The following LRRN1 variants were observed in gnomAD, a reference collection of about 807,000 sequenced individuals.
LRRN1 encodes the protein leucine rich repeat neuronal 1, also known as leucine-rich repeat neuronal protein 1.
A neutral mutation model predicts 45.8 loss-of-function variants in LRRN1; 14 were observed. The observed-to-expected ratio is 0.31, with a 90% CI of 0.20 to 0.48. The LOEUF (loss-of-function observed/expected upper bound fraction) is 0.48, where lower values mean the gene tolerates loss of function less well. LRRN1 is among the 20% of genes least tolerant of loss of function. LRRN1 has a pLI of 0.99. For synonymous variants in LRRN1, 359 were observed against 330.1 expected (o/e 1.09, Z -0.95); for missense variants, 789 against 874.2 (o/e 0.90, Z 1.23).
At chr3:3,836,033 T>A (rs1241119312) in intron 1 of LRRN1, among the ~76,000 whole-genome samples, 1 of 152,184 alleles carries the variant, frequency 6.6e-6, no homozygotes, top group Non-Finnish European at 1.5e-5. Context: ...AGCAGGACAT[T>A]TTCTTCTTAC....
In LRRN1 at chr3:3,846,994, A is replaced by C. The variant is rs1575307048; in HGVS notation, c.*202A>C. The C allele has an allele frequency of 4.4e-6, 2 of 458,506 alleles. No homozygotes were observed. Among genetic ancestry groups the C allele is most frequent in the Non-Finnish European group, 3.9e-6 (1 of 253,244 alleles). 28.4% of individuals were successfully genotyped at this position (458,506 alleles called of 1,614,324 possible). A position where few individuals can be genotyped will look rare whatever the true frequency, so the allele number is the denominator to read the frequency against. ...CGGCTGCCAGCGACTCTAGGCTTCCAGTCTGTGTTTGGTTTTTATTCTTAT... is the reference window on the plus strand; with the variant it reads ...CGGCTGCCAGCGACTCTAGGCTTCCCGTCTGTGTTTGGTTTTTATTCTTAT... On this transcript the variant is annotated 3_prime_UTR_variant, in exon 2 of 2. Transcript: ENST00000319331. The surrounding 1 kb of genome is among the most constrained non-coding windows in gnomAD (Gnocchi z 5.7).
At chr3:3,810,438 G>A (rs779281021) in intron 1 of LRRN1, among the ~76,000 whole-genome samples, 4 of 152,278 alleles carry the variant, frequency 2.6e-5, no homozygotes, top group South Asian at 2.1e-4. Context: ...TAGTATCATC[G>A]TCATCATACA....
chr3:3,845,101 C>A lies in LRRN1; in HGVS notation c.460C>A (p.Gln154Lys), dbSNP rs774523439. 6.6e-5 allele frequency: 106 copies of A among 1,614,038 alleles called. No individual in the cohort carries two copies. Among genetic ancestry groups the A allele is most frequent in the Non-Finnish European group, 8.6e-5 (102 of 1,180,024 alleles). Residue 154 changes from glutamine (Q) to lysine (K), a missense_variant, in exon 2 of 2, where the codon CAA becomes AAA. By Grantham distance (53) the Gln-to-Lys change is moderately conservative. Transcript: ENST00000319331. The surrounding 1 kb of genome is among the most constrained non-coding windows in gnomAD (Gnocchi z 6.5). ...TCAAGAACTCTACATCAACCACAAC[C>A]AAATTAGCACTATTTCTGCTCATGC... ...NLQELYINHNQISTISAHAFA... is the reference protein window; with the variant it reads ...NLQELYINHNKISTISAHAFA...
rs538592328 is a variant in LRRN1 at position 3,848,756 on chromosome 3, C to G, written c.*1964C>G. Among the ~76,000 whole-genome samples the G allele has an allele frequency of 3.4e-4, 52 of 152,254 alleles. No individual in the cohort carries two copies. Among genetic ancestry groups the G allele is most frequent in the African/African-American group, 1.2e-3 (50 of 41,540 alleles). On this transcript the variant is annotated 3_prime_UTR_variant, in exon 2 of 2. Transcript: ENST00000319331. Reference sequence around the variant, plus strand: ...GCAGCTTACCCAGTTCGGACTCCTGCCAGTTCAGCGCTCTGCACTCCATTG... The same window carrying G: ...GCAGCTTACCCAGTTCGGACTCCTGGCAGTTCAGCGCTCTGCACTCCATTG...
At chr3:3,840,316 G>T (rs1009821055) in intron 1 of LRRN1, among the ~76,000 whole-genome samples, 6 of 152,090 alleles carry the variant, frequency 3.9e-5, no homozygotes, top group Non-Finnish European at 8.8e-5. Flanking sequence ...TGCATTCCTG[G>T]TATAAATCCA....
At chr3:3,804,700 G>A (rs1692719515) in intron 1 of LRRN1, among the ~76,000 whole-genome samples, 1 of 152,170 alleles carries the variant, frequency 6.6e-6, no homozygotes, top group Non-Finnish European at 1.5e-5. Flanking sequence ...ACCACTGGCA[G>A]ACATGTGGAC....
chr3:3,848,834 C>A lies in LRRN1; in HGVS notation c.*2042C>A, dbSNP rs1222192472. On this transcript the variant is annotated 3_prime_UTR_variant, in exon 2 of 2. Coordinates refer to ENST00000319331, the MANE Select transcript of LRRN1 (RefSeq NM_020873.7). ...GTTCCTGTGCAGGGCCCCTCTTTTG[C>A]AGTTCTGAATAACCTCTAGTGCCCC... Among the ~76,000 whole-genome samples, 2 of 152,168 alleles carry A rather than the reference C, an allele frequency of 1.3e-5. No homozygotes were observed. Among genetic ancestry groups the A allele is most frequent in the African/African-American group, 4.8e-5 (2 of 41,430 alleles).
rs1653065402 is a variant in LRRN1 at position 3,816,231 on chromosome 3, A to T, written c.-279+16312A>T. On this transcript the variant is annotated intron_variant, in intron 1 of 1. Transcript: ENST00000319331. The surrounding 1 kb of genome is among the most constrained non-coding windows in gnomAD (Gnocchi z 4.0). ...AGCCTAGACTGTGTAATTAAGGACC[A>T]TCCACTAATGTGCACTGGTGGATTT... Among the ~76,000 whole-genome samples, 1 of 152,172 alleles carries T rather than the reference A, an allele frequency of 6.6e-6. No homozygotes were observed. The highest frequency in any genetic ancestry group is 1.5e-5 in the Non-Finnish European group (1 of 68,018).
intron 1 of LRRN1, among the ~76,000 whole-genome samples, chr3:3,835,802 C>A (rs531315180): frequency 6.6e-6 from 1 of 151,952 alleles, no homozygotes; most frequent in East Asian, 1.9e-4. Context: ...TGGTGATGAT[C>A]ATGCAGTTCA....
intron 1 of LRRN1, among the ~76,000 whole-genome samples, chr3:3,808,369 A>G (rs777714146): frequency 5.3e-5 from 8 of 152,226 alleles, no homozygotes; most frequent in Non-Finnish European, 7.3e-5. Flanking sequence ...CCCACTTTAT[A>G]GCTCAGGAAA....
At chr3:3,835,203 C>A (rs1693481849) in intron 1 of LRRN1, among the ~76,000 whole-genome samples, 1 of 152,168 alleles carries the variant, frequency 6.6e-6, no homozygotes, top group Admixed American at 6.6e-5. Flanking sequence ...GTTTAAAATG[C>A]ATTTAATACA....
At chr3:3,801,390 C>T (rs1283946581) in intron 1 of LRRN1, 1 of 152,194 alleles carries the variant, frequency 6.6e-6, no homozygotes, top group South Asian at 2.1e-4. Flanking sequence ...CCATGACAAT[C>T]TAAATCATGT....
chr3:3,841,475 T>C (rs911110291), intron 1 of LRRN1, among the ~76,000 whole-genome samples: 3 of 152,066 alleles, frequency 2.0e-5, no homozygotes, highest in Admixed American at 6.6e-5. Flanking sequence ...TGAAATAAAT[T>C]TGTGGAGTTA....
At chr3:3,836,742 A>G (rs1693524833) in intron 1 of LRRN1, among the ~76,000 whole-genome samples, 1 of 152,144 alleles carries the variant, frequency 6.6e-6, no homozygotes, top group Admixed American at 6.6e-5. Context: ...AAGGAGTGGG[A>G]TATGGGGGGT....
In LRRN1 at chr3:3,844,556, C is replaced by T. The variant is rs974368516; in HGVS notation, c.-86C>T. ...TTTGCTTGAATGTTTACATTTTCTG[C>T]TCGCTGTCCTACATATCACAATATA... On this transcript the variant is annotated 5_prime_UTR_variant, in exon 2 of 2. Transcript: ENST00000319331. 3.0e-6 allele frequency: 3 copies of T among 994,542 alleles called. No individual in the cohort carries two copies. Among genetic ancestry groups the T allele is most frequent in the South Asian group, 3.3e-5 (2 of 59,948 alleles). The allele number at this position is 994,542 out of a possible 1,614,324, so 61.6% of individuals were successfully genotyped here. A position where few individuals can be genotyped will look rare whatever the true frequency, so the allele number is the denominator to read the frequency against.
At chr3:3,820,778 A>G (rs889955528) in intron 1 of LRRN1, among the ~76,000 whole-genome samples, 2 of 152,232 alleles carry the variant, frequency 1.3e-5, no homozygotes, top group Non-Finnish European at 2.9e-5. Flanking sequence ...CAGGCTAGTC[A>G]CTGTGTTAAG....
chr3:3,840,076 A>C (rs1342515828), intron 1 of LRRN1, among the ~76,000 whole-genome samples: 1 of 152,116 alleles, frequency 6.6e-6, no homozygotes, highest in Non-Finnish European at 1.5e-5. Context: ...AGAAACTTTC[A>C]GTTTTTTGCT....
At chr3:3,802,593 T>C (rs1692677951) in intron 1 of LRRN1, among the ~76,000 whole-genome samples, 1 of 152,308 alleles carries the variant, frequency 6.6e-6, no homozygotes, top group East Asian at 1.9e-4. Flanking sequence ...GTGCCTTTTA[T>C]ACATAAGGCA....
At chr3:3,809,267 C>T (rs1182828324) in intron 1 of LRRN1, among the ~76,000 whole-genome samples, 1 of 152,104 alleles carries the variant, frequency 6.6e-6, no homozygotes, top group African/African-American at 2.4e-5. Flanking sequence ...CCTCAGCCTC[C>T]TGTGTAGCTG....
Sources: allele counts gnomAD v4.1 joint callset (sites outside exome capture counted in the v4.1 genomes callset), GRCh38; gene constraint gnomAD v4.1.1; non-coding constraint Gnocchi (gnomAD v3.1); transcripts MANE v1.5; gene names NCBI Gene and HGNC (gene_info 2026-07-23, HGNC 2026-07-21).